Variants in GLDN observed in about 807,000 individuals in gnomAD.
GLDN encodes collomin.
In GLDN, 47 loss-of-function variants were observed where a neutral mutation model predicts 56.5. The ratio of observed to expected loss-of-function variants is 0.83; its 90% CI spans 0.66 to 1.06. The LOEUF (loss-of-function observed/expected upper bound fraction) is 1.06, where lower values mean the gene tolerates loss of function less well. Among genes scored for constraint, GLDN ranks in the 50% least tolerant of loss-of-function variants. GLDN has a pLI of 0.00. For synonymous variants in GLDN, 332 were observed against 278.8 expected, an observed-to-expected ratio of 1.19 and a Z score of -1.90; for missense variants, 782 against 714.3, an observed-to-expected ratio of 1.09 and a Z score of -1.08.
chr15:51,413,008 C>A, the GLDN span, among the ~76,000 whole-genome samples: 1 of 152,110 alleles, frequency 6.6e-6, no homozygotes, highest in African/African-American at 2.4e-5. Flanking sequence ...ACATTTCATG[C>A]AATGGATATG....
chr15:51,401,194 G>A (rs1046060956), intron 8 of GLDN, among the ~76,000 whole-genome samples: 2 of 152,228 alleles, frequency 1.3e-5, no homozygotes, highest in Non-Finnish European at 2.9e-5. Flanking sequence ...AAGTAATATT[G>A]TTCATTAGTA....
intron 8 of GLDN, 144 bp downstream of exon 8, chr15:51,400,642 A>G (rs866030739): frequency 1.9e-5 from 18 of 957,126 alleles, no homozygotes; most frequent in South Asian, 1.5e-4. Context: ...AGAAAGACCA[A>G]TAAGTGGGCA....
downstream of GLDN, among the ~76,000 whole-genome samples, chr15:51,411,632 G>GCC (rs1197051783): frequency 1.3e-5 from 2 of 152,136 alleles, no homozygotes; most frequent in African/African-American, 4.8e-5. Flanking sequence ...AAATAAATGA[G>GCC]CATGGCTCTA....
rs56751652 is a variant in GLDN at position 51,353,746 on chromosome 15, TA to T, written c.363+11713del. ...AAAAAAAAAAAAAACCACAGTCAAT[TA>T]AAAAAAAAAAAAAGACACTCTTTTA... On this transcript the variant is annotated intron_variant, in intron 1 of 9. Transcript: ENST00000335449. Among the ~76,000 whole-genome samples, 664 of 117,038 alleles carry T rather than the reference TA, an allele frequency of 5.7e-3. 6 individuals are homozygous for T. The highest frequency in any genetic ancestry group is 0.012 in the African/African-American group (349 of 29,454). The allele number at this position is 117,038 out of a possible 152,430, so 76.8% of individuals were successfully genotyped here. A position where few individuals can be genotyped will look rare whatever the true frequency, so the allele number is the denominator to read the frequency against.
rs2038345526 is a variant in GLDN, at chr15:51,404,999, C to T, written c.*245C>T. ...TCTTTCTCCTTGGGCCTTAGTTTCC[C>T]CATTGGTAATCTGAATTGGCTAAGA... On this transcript the variant is annotated 3_prime_UTR_variant, in exon 10 of 10. Transcript: ENST00000335449. 3 of 388,950 alleles carry T rather than the reference C, an allele frequency of 7.7e-6. No homozygotes were observed. The highest frequency in any genetic ancestry group is 4.1e-5 in the African/African-American group (2 of 48,744). 24.1% of individuals were successfully genotyped at this position (388,950 alleles called of 1,614,324 possible).
intron 1 of GLDN, among the ~76,000 whole-genome samples, chr15:51,369,947 C>T (rs1206025616): frequency 6.6e-6 from 1 of 152,054 alleles, no homozygotes; most frequent in Non-Finnish European, 1.5e-5. Context: ...AAGATTCTAT[C>T]ACTACAAAAA....
At chr15:51,350,671 G>A (rs555448200) in intron 1 of GLDN, among the ~76,000 whole-genome samples, 3 of 152,272 alleles carry the variant, frequency 2.0e-5, no homozygotes, top group Admixed American at 1.3e-4. Flanking sequence ...AACTCATGTC[G>A]CAGGCAATGA....
intron 1 of GLDN, among the ~76,000 whole-genome samples, chr15:51,356,003 C>A (rs940272412): frequency 1.3e-5 from 2 of 149,434 alleles, no homozygotes; most frequent in Admixed American, 1.3e-4. Context: ...GTCAGAAGAT[C>A]GAGACCATCC....
chr15:51,376,915 G>A (rs535317737), intron 1 of GLDN, among the ~76,000 whole-genome samples: 1 of 152,264 alleles, frequency 6.6e-6, no homozygotes, highest in Non-Finnish European at 1.5e-5. Flanking sequence ...ACCTCCTGAA[G>A]ACCTGCCTAA....
chr15:51,348,897 C>T (rs1023994572), intron 1 of GLDN, among the ~76,000 whole-genome samples: 2 of 152,124 alleles, frequency 1.3e-5, no homozygotes, highest in African/African-American at 4.8e-5. Flanking sequence ...TATTTACCAG[C>T]CTGATTCTGA....
At chr15:51,384,184 G>A (rs896007896) in intron 4 of GLDN, 7 of 399,802 alleles carry the variant, frequency 1.8e-5, no homozygotes, top group South Asian at 1.7e-4. Flanking sequence ...GCCCTGGGAG[G>A]GGCATTCTGT....
At chr15:51,358,491 C>A (rs1386306677) in intron 1 of GLDN, among the ~76,000 whole-genome samples, 1 of 152,304 alleles carries the variant, frequency 6.6e-6, no homozygotes, top group Non-Finnish European at 1.5e-5. Context: ...TCCCGGTCCC[C>A]TTTTCTGTGT....
At chr15:51,373,433 A>G (rs2037556303) in intron 1 of GLDN, among the ~76,000 whole-genome samples, 2 of 152,218 alleles carry the variant, frequency 1.3e-5, no homozygotes, top group Admixed American at 1.3e-4. Flanking sequence ...AACTGACTAT[A>G]TTTACTGATA....
At chr15:51,352,557 G>C (rs2037095394) in intron 1 of GLDN, among the ~76,000 whole-genome samples, 1 of 152,092 alleles carries the variant, frequency 6.6e-6, no homozygotes, top group Non-Finnish European at 1.5e-5. Context: ...TTTATCAGCT[G>C]CTGCTTTGGG....
intron 1 of GLDN, among the ~76,000 whole-genome samples, chr15:51,351,441 T>C (rs1341588140): frequency 6.6e-6 from 1 of 152,180 alleles, no homozygotes; most frequent in Non-Finnish European, 1.5e-5. Flanking sequence ...GTCTCTCCAC[T>C]CTAGGGAGAC....
chr15:51,365,727 G>C (rs908715605), intron 1 of GLDN, among the ~76,000 whole-genome samples: 2 of 152,130 alleles, frequency 1.3e-5, no homozygotes, highest in African/African-American at 4.8e-5. Context: ...TTTTGGGAAC[G>C]GATTGGACGT....
intron 1 of GLDN, among the ~76,000 whole-genome samples, chr15:51,371,587 G>A (rs2037517037): frequency 6.6e-6 from 1 of 152,240 alleles, no homozygotes; most frequent in East Asian, 1.9e-4. Context: ...CAGGCTGCCA[G>A]TAGGGCCCAT....
chr15:51,348,412 C>A (rs376331482), intron 1 of GLDN, among the ~76,000 whole-genome samples: 4 of 151,794 alleles, frequency 2.6e-5, no homozygotes, highest in African/African-American at 9.7e-5. Context: ...AGCTTACTGC[C>A]GCCTTGACTA....
Position 51,341,912 on chromosome 15 carries a change from G to T in GLDN, c.228G>T (p.Pro76=), listed in dbSNP as rs747969112. ...RSFLAELSRA[P]RGASAPPQDP... is the part of the protein sequence containing the mutation. ...TCCTGGCCGAGTTGAGCCGCGCGCCGCGCGGGGCGTCCGCACCACCCCAAG... is the reference window on the plus strand; with the variant it reads ...TCCTGGCCGAGTTGAGCCGCGCGCCTCGCGGGGCGTCCGCACCACCCCAAG... Residue 76 remains proline, a synonymous_variant, in exon 1 of 10, where the codon CCG becomes CCT. Coordinates refer to ENST00000335449, the MANE Select transcript of GLDN (RefSeq NM_181789.4). The T allele has an allele frequency of 3.8e-6, 6 of 1,593,394 alleles. No individual in the cohort carries two copies. In the South Asian group the frequency reaches 6.6e-5, roughly 18 times the overall value.
Sources: allele counts gnomAD v4.1 joint callset (sites outside exome capture counted in the v4.1 genomes callset), GRCh38; gene constraint gnomAD v4.1.1; transcripts MANE v1.5; gene names NCBI Gene and HGNC (gene_info 2026-07-23, HGNC 2026-07-21).